The following TMEM68 variants were observed in gnomAD, a reference collection of about 807,000 sequenced individuals.
TMEM68 encodes DGAT1/2-independent enzyme synthesizing storage lipids.
TMEM68 carries 25 observed loss-of-function variants against 36.9 expected under a neutral mutation model. The ratio of observed to expected loss-of-function variants is 0.68; its 90% CI spans 0.49 to 0.95. The LOEUF (loss-of-function observed/expected upper bound fraction) is 0.95. TMEM68 is among the 40% of genes least tolerant of loss of function. The probability of loss-of-function intolerance (pLI) is 0.00; values close to 1 mark genes in which losing one functional copy is unlikely to be tolerated. For missense variants in TMEM68, 333 were observed against 392.0 expected (o/e 0.85, Z 1.27); for synonymous variants, 131 against 124.4 (o/e 1.05, Z -0.35).
intron 5 of TMEM68, among the ~76,000 whole-genome samples, chr8:55,748,612 A>T (rs1585711317): frequency 6.6e-6 from 1 of 151,596 alleles, no homozygotes; most frequent in African/African-American, 2.4e-5. Flanking sequence ...TATATGTATA[A>T]TTTTTTTATT....
At chr8:55,747,245 C>T in intron 5 of TMEM68, 1 of 152,334 alleles carries the variant, frequency 6.6e-6, no homozygotes, top group Non-Finnish European at 1.5e-5. Flanking sequence ...CGTCTGTAAC[C>T]CACCTACTCG....
chr8:55,745,346 A>C (rs558383325), intron 5 of TMEM68: 2 of 281,398 alleles, frequency 7.1e-6, no homozygotes. Context: ...ATTCATTAGC[A>C]TGGGGGCGTG....
At position 55,762,928 on chromosome 8, in the gene TMEM68, C is replaced by T. The variant is rs747424522; in HGVS notation, c.32G>A (p.Gly11Glu). 2 of 1,598,534 alleles carry T rather than the reference C, an allele frequency of 1.3e-6. No individual in the cohort carries two copies. Among genetic ancestry groups the T allele is most frequent in the Non-Finnish European group, 1.7e-6 (2 of 1,174,180 alleles). MIDKNQTCGV[G>E]QDSVPYMICL... ...AATCATATAGGGCACAGAATCCTGT[C>T]CTACACCACAGGTTTGATTTTTGTC... Residue 11 changes from glycine to glutamate, a missense_variant, in exon 3 of 8, where the codon GGA becomes GAA. Gly to Glu is a moderately conservative substitution (Grantham distance 98). Transcript: ENST00000434581.
chr8:55,770,948 G>C (rs1811136120), intron 1 of TMEM68, among the ~76,000 whole-genome samples: 1 of 152,100 alleles, frequency 6.6e-6, no homozygotes. Context: ...CTGAGGTCGG[G>C]AGTTCGAGAC....
chr8:55,743,429 A>G (rs1157888863), intron 7 of TMEM68, 52 bp downstream of exon 7: 1 of 1,488,698 alleles, frequency 6.7e-7, no homozygotes, highest in East Asian at 2.5e-5. Context: ...TCAAAATATA[A>G]TAATTGAAAA....
chr8:55,750,822 G>A (rs1473953585), intron 5 of TMEM68, 142 bp downstream of exon 5: 2 of 763,858 alleles, frequency 2.6e-6, no homozygotes, highest in African/African-American at 1.8e-5. Context: ...ACAGGCGTGA[G>A]CTACCACACT....
chr8:55,771,510 G>C (rs1042405496), intron 1 of TMEM68, among the ~76,000 whole-genome samples: 1 of 152,006 alleles, frequency 6.6e-6, no homozygotes, highest in Non-Finnish European at 1.5e-5. Flanking sequence ...CCAGCTACTC[G>C]GGGGGCTGAG....
At chr8:55,754,513 GTATA>G (rs1190060302) in intron 4 of TMEM68, among the ~76,000 whole-genome samples, 9 of 132,876 alleles carry the variant, frequency 6.8e-5, no homozygotes, top group Non-Finnish European at 9.4e-5. Context: ...ACACACACGT[GTATA>G]TATATATTTA....
chr8:55,753,775 GTTAA>G (rs1429746727), intron 4 of TMEM68, among the ~76,000 whole-genome samples: 1 of 152,128 alleles, frequency 6.6e-6, no homozygotes, highest in Non-Finnish European at 1.5e-5. Context: ...AAACCATTTG[GTTAA>G]TTAATCTTTT....
chr8:55,752,040 C>T (rs546785917), intron 4 of TMEM68, among the ~76,000 whole-genome samples: 2 of 152,078 alleles, frequency 1.3e-5, no homozygotes, highest in African/African-American at 4.8e-5. Flanking sequence ...GAAACCCTGC[C>T]TCTACTAAAA....
intron 2 of TMEM68, chr8:55,763,458 A>G (rs9721093): frequency 0.85 from 129,652 of 152,356 alleles, 55,445 homozygotes; most frequent in East Asian, 0.99. Flanking sequence ...GCACGATCTC[A>G]GTCACTGAAA....
chr8:55,765,254 G>C (rs1810928209), intron 1 of TMEM68, among the ~76,000 whole-genome samples: 1 of 152,036 alleles, frequency 6.6e-6, no homozygotes, highest in Non-Finnish European at 1.5e-5. Flanking sequence ...AAACAACCTT[G>C]TAAGTTTAAA....
chr8:55,761,274 C>G (rs1353071312), intron 3 of TMEM68: 1 of 152,192 alleles, frequency 6.6e-6, no homozygotes, highest in South Asian at 2.1e-4. Context: ...AGTGACATTA[C>G]ATTATTTCAT....
At position 55,740,001 on chromosome 8, in the gene TMEM68, G is replaced by T; in HGVS notation, c.*131C>A. 1.5e-6 allele frequency: 1 copy of T among 663,656 alleles called. No individual in the cohort carries two copies. Among genetic ancestry groups the T allele is most frequent in the Non-Finnish European group, 2.4e-6 (1 of 415,288 alleles). The allele number at this position is 663,656 out of a possible 1,614,324, so 41.1% of individuals were successfully genotyped here. Reference sequence around the variant, plus strand: ...ACTATTTTAAAGAAACGAATTCTGTGAAAGATGCTTATTAACATGATTTTT... The same window carrying T: ...ACTATTTTAAAGAAACGAATTCTGTTAAAGATGCTTATTAACATGATTTTT... On this transcript the variant is annotated 3_prime_UTR_variant, in exon 8 of 8. Coordinates refer to ENST00000434581, the MANE Select transcript of TMEM68 (RefSeq NM_001286657.2).
In TMEM68 at chr8:55,740,207, A is replaced by T; in HGVS notation, c.900T>A (p.Ala300=). 2 of 1,613,060 alleles carry T rather than the reference A, an allele frequency of 1.2e-6. No individual in the cohort carries two copies. Among genetic ancestry groups the T allele is most frequent in the South Asian group, 2.2e-5 (2 of 90,996 alleles). Residue 300 remains alanine, a synonymous_variant, in exon 8 of 8, where the codon GCT becomes GCA. Transcript: ENST00000434581. ...GGTGCTTATCAATCAAAGCTTGAACAGCATTCTTCGTCTATTAAGAAAACA... is the reference window on the plus strand; with the variant it reads ...GGTGCTTATCAATCAAAGCTTGAACTGCATTCTTCGTCTATTAAGAAAACA... ...AEELAEKTKN[A]VQALIDKHQR...
chr8:55,752,884 C>T (rs1477276238), intron 4 of TMEM68, among the ~76,000 whole-genome samples: 2 of 151,918 alleles, frequency 1.3e-5, no homozygotes, highest in African/African-American at 4.8e-5. Flanking sequence ...GCCACCATGC[C>T]TGGCTGATTT....
In TMEM68 at chr8:55,739,870, T is replaced by C. The variant is rs1340655225; in HGVS notation, c.*262A>G. ...GCTGTTATTAATAAACTTAAGAATC[T>C]ATATGTTTAGCATAAATTGTTAGGA... On this transcript the variant is annotated 3_prime_UTR_variant, in exon 8 of 8. Coordinates refer to ENST00000434581, the MANE Select transcript of TMEM68 (RefSeq NM_001286657.2). The C allele has an allele frequency of 2.5e-6, 1 of 398,970 alleles. No homozygotes were observed. The highest frequency in any genetic ancestry group is 4.5e-6 in the Non-Finnish European group (1 of 223,832). The allele number at this position is 398,970 out of a possible 1,614,324, so 24.7% of individuals were successfully genotyped here.
chr8:55,740,602 C>T (rs568159757), intron 7 of TMEM68, among the ~76,000 whole-genome samples: 2 of 152,174 alleles, frequency 1.3e-5, no homozygotes, highest in South Asian at 4.1e-4. Context: ...CAACACCTTG[C>T]ACATGATAAA....
intron 6 of TMEM68, among the ~76,000 whole-genome samples, chr8:55,744,859 A>G (rs377716700): frequency 1.4e-4 from 22 of 152,322 alleles, no homozygotes; most frequent in African/African-American, 5.0e-4. Flanking sequence ...TTCAGTGTGT[A>G]TATGTACTCT....
Sources: allele counts gnomAD v4.1 joint callset (sites outside exome capture counted in the v4.1 genomes callset), GRCh38; gene constraint gnomAD v4.1.1; transcripts MANE v1.5; gene names NCBI Gene and HGNC (gene_info 2026-07-23, HGNC 2026-07-21).